Variants in CAPRIN1 observed in about 807,000 individuals in gnomAD.
CAPRIN1 encodes cell cycle associated protein 1, also known as caprin-1.
In CAPRIN1, 29 loss-of-function variants were observed where a neutral mutation model predicts 100.9. The observed-to-expected ratio is 0.29, with a 90% confidence interval of 0.21 to 0.39. The LOEUF is 0.39. CAPRIN1 is among the 10% of genes least tolerant of loss of function. CAPRIN1 has a pLI of 1.00. For synonymous variants in CAPRIN1, 338 were observed against 307.5 expected (o/e 1.10, Z -1.04); for missense variants, 795 against 876.7 (o/e 0.91, Z 1.18).
Position 34,071,737 on chromosome 11 carries a change from T to G in CAPRIN1, c.228T>G (p.Asp76Glu). The G allele has an allele frequency of 6.2e-7, 1 of 1,610,124 alleles. No individual in the cohort carries two copies. Among genetic ancestry groups the G allele is most frequent in the Non-Finnish European group, 8.5e-7 (1 of 1,176,468 alleles). ...TTCTTTTAACATAGGGTAAGCTTGATGATTACCAGGAACGAATGAACAAAG... is the reference window on the plus strand; with the variant it reads ...TTCTTTTAACATAGGGTAAGCTTGAGGATTACCAGGAACGAATGAACAAAG... The part of the protein sequence containing the change: ...RNLEKKKGKL[D>E]DYQERMNKGE... The change falls in exon 3 of 19, where the codon GAT (aspartate) becomes GAG (glutamate). Residue 76 changes from aspartate to glutamate, a missense_variant. This residue lies in a region of CAPRIN1 where 38 missense variants were observed against 92.3 expected (regional missense o/e 0.41). Coordinates refer to ENST00000341394, the MANE Select transcript of CAPRIN1 (RefSeq NM_005898.5).
chr11:34,054,553 A>T (rs1052233528), intron 2 of CAPRIN1, among the ~76,000 whole-genome samples: 1 of 151,844 alleles, frequency 6.6e-6, no homozygotes, highest in Non-Finnish European at 1.5e-5. Context: ...TCAGCCTCCC[A>T]AGTAGCTGGG....
chr11:34,092,399 C>T (rs548649917), intron 15 of CAPRIN1, among the ~76,000 whole-genome samples: 17 of 151,618 alleles, frequency 1.1e-4, no homozygotes, highest in Admixed American at 5.2e-4. Context: ...CTCTGTCACC[C>T]AGGCTGGAGC....
At chr11:34,056,628 G>T (rs1241375975) in intron 2 of CAPRIN1, 1 of 152,096 alleles carries the variant, frequency 6.6e-6, no homozygotes, top group Admixed American at 6.5e-5. Flanking sequence ...CATTGGTGCT[G>T]AACTGGGCCC....
At chr11:34,058,530 C>G (rs970166624) in intron 2 of CAPRIN1, among the ~76,000 whole-genome samples, 12 of 152,176 alleles carry the variant, frequency 7.9e-5, no homozygotes, top group Non-Finnish European at 1.5e-4. Context: ...TCAAGTAAAG[C>G]CTTTTGCTTC....
At chr11:34,063,192 C>CT (rs1653833995) in intron 2 of CAPRIN1, 2 of 152,078 alleles carry the variant, frequency 1.3e-5, no homozygotes, top group South Asian at 2.1e-4. Flanking sequence ...AATGGAAGAT[C>CT]TAGATGTATT....
chr11:34,056,544 G>T (rs1299061578), intron 2 of CAPRIN1: 5 of 152,150 alleles, frequency 3.3e-5, no homozygotes, highest in Admixed American at 3.3e-4. Flanking sequence ...TGATAATCAA[G>T]TGTAAAATCC....
chr11:34,089,723 C>T (rs1851226907), intron 12 of CAPRIN1, among the ~76,000 whole-genome samples: 1 of 152,134 alleles, frequency 6.6e-6, no homozygotes, highest in South Asian at 2.1e-4. Context: ...TGTTGGAATT[C>T]AGCAAATTTA....
In CAPRIN1 at chr11:34,099,569, G is replaced by A. The variant is rs1277727783; in HGVS notation, c.*202G>A. 8.4e-6 allele frequency: 5 copies of A among 596,456 alleles called. No homozygotes were observed. Among genetic ancestry groups the A allele is most frequent in the African/African-American group, 7.4e-5 (4 of 53,876 alleles). The allele number at this position is 596,456 out of a possible 1,614,324, so 36.9% of individuals were successfully genotyped here. On this transcript the variant is annotated 3_prime_UTR_variant, in exon 19 of 19. Transcript: ENST00000341394. ...GAAGGAAACTATTTTTACTCTGCAT[G>A]TTCTGTCCTAAGCGTCATCTTGAGC... is the stretch of plus-strand genomic sequence containing the variant.
intron 15 of CAPRIN1, 140 bp downstream of exon 15, chr11:34,092,196 A>G (rs1371377503): frequency 2.6e-6 from 2 of 765,824 alleles, no homozygotes; most frequent in Non-Finnish European, 3.9e-6. Context: ...TTCATTTCAG[A>G]TCATGAGTTA....
In CAPRIN1 at chr11:34,079,730, C is replaced by T; in HGVS notation, c.791C>T (p.Ser264Leu). 6.2e-7 allele frequency: 1 copy of T among 1,614,118 alleles called. No homozygotes were observed. Among genetic ancestry groups the T allele is most frequent in the Non-Finnish European group, 8.5e-7 (1 of 1,180,004 alleles). The change falls in exon 7 of 19, where the codon TCA (serine) becomes TTA (leucine). Residue 264 changes from serine to leucine, a missense_variant. Transcript: ENST00000341394. Reference sequence around the variant, plus strand: ...CTGTGTGAGGAAGAAGAGGCAGCCTCAGCACCTGCAGTTGAAGACCAGGTA... The same window carrying T: ...CTGTGTGAGGAAGAAGAGGCAGCCTTAGCACCTGCAGTTGAAGACCAGGTA... Reference protein sequence around the residue: ...NGLCEEEEAASAPAVEDQVPE... With the variant: ...NGLCEEEEAALAPAVEDQVPE...
At chr11:34,098,391 T>C (rs1851402806) in intron 18 of CAPRIN1, 1 of 985,304 alleles carries the variant, frequency 1.0e-6, no homozygotes, top group Non-Finnish European at 1.2e-6. Flanking sequence ...TGTTTTTCTT[T>C]TACTGTTGGA....
intron 15 of CAPRIN1, among the ~76,000 whole-genome samples, chr11:34,095,513 T>G (rs149589974): frequency 6.6e-6 from 1 of 152,178 alleles, no homozygotes; most frequent in South Asian, 2.1e-4. Flanking sequence ...TATTAATGTA[T>G]TTGGAGTTTC....
intron 2 of CAPRIN1, among the ~76,000 whole-genome samples, chr11:34,069,242 C>T (rs971809192): frequency 7.9e-5 from 12 of 151,194 alleles, no homozygotes; most frequent in East Asian, 3.9e-4. Flanking sequence ...CTCTGCCTCC[C>T]GGGTTCAAGC....
chr11:34,098,160 C>G (rs779863809), intron 18 of CAPRIN1: 1 of 1,001,546 alleles, frequency 1.0e-6, no homozygotes, highest in Admixed American at 5.3e-5. Flanking sequence ...TTGAAACATG[C>G]CTATTATATT....
At chr11:34,071,221 G>T (rs1427574125) in intron 2 of CAPRIN1, among the ~76,000 whole-genome samples, 1 of 152,136 alleles carries the variant, frequency 6.6e-6, no homozygotes, top group African/African-American at 2.4e-5. Context: ...TTGGTTTACA[G>T]TACAGCCTTT....
intron 15 of CAPRIN1, 70 bp from the exon 16 acceptor site, chr11:34,096,409 A>G (rs1851368219): frequency 8.7e-7 from 1 of 1,146,928 alleles, no homozygotes; most frequent in Non-Finnish European, 1.3e-6. Flanking sequence ...TTCTTAAACT[A>G]GAAAGTGCGT....
Position 34,079,632 on chromosome 11 carries a change from A to G in CAPRIN1, c.693A>G (p.Lys231=), listed in dbSNP as rs145437412. 1.0e-4 allele frequency: 168 copies of G among 1,612,814 alleles called. No homozygotes were observed. The highest frequency in any genetic ancestry group is 1.3e-4 in the Non-Finnish European group (158 of 1,179,238). The change falls in exon 7 of 19, where the codon AAA becomes AAG. Residue 231 remains lysine, a synonymous_variant. Transcript: ENST00000341394. ...AATTCATGTTCTTTTTCTTAGATAA[A>G]GTTCTAAAGGAAATTGTTGAGCGTG... The part of the protein sequence containing the change: ...KEKPVCGTTY[K]VLKEIVERVF...
At chr11:34,060,057 A>G (rs1052291522) in intron 2 of CAPRIN1, among the ~76,000 whole-genome samples, 9 of 151,542 alleles carry the variant, frequency 5.9e-5, no homozygotes, top group Admixed American at 1.3e-4. Context: ...TTAGCTGGGC[A>G]TGGTGGCATG....
chr11:34,091,989 C>G lies in CAPRIN1; in HGVS notation c.1638C>G (p.Asn546Lys), dbSNP rs887381332. 2.5e-6 allele frequency: 4 copies of G among 1,614,110 alleles called. No homozygotes were observed. Among genetic ancestry groups the G allele is most frequent in the Non-Finnish European group, 3.4e-6 (4 of 1,179,984 alleles). The change falls in exon 15 of 19, where the codon AAC becomes AAG. Residue 546 changes from asparagine to lysine, a missense_variant. Transcript: ENST00000341394. ...KQQNQYQASY[N>K]QSFSSQPHQV... ...AAAATCAGTACCAGGCCAGTTATAA[C>G]CAGAGCTTTTCTAGTCAGCCTCACC...
Sources: gnomAD v4.1 joint callset for allele counts (sites outside exome capture counted in the v4.1 genomes callset) on GRCh38, gnomAD v4.1.1 for gene constraint, gnomAD v4.1.1 regional missense constraint, MANE v1.5 for transcripts, NCBI Gene and HGNC (gene_info 2026-07-23, HGNC 2026-07-21) for gene names.